CRTAC1: variants seen among roughly 807,000 people sequenced by gnomAD.
CRTAC1 encodes the protein cartilage acidic protein 1, also known as acidic secreted protein in cartilage.
In CRTAC1, 37 loss-of-function variants were observed where a neutral mutation model predicts 67.8. The observed-to-expected ratio is 0.55, with a 90% CI of 0.42 to 0.72. CRTAC1 has a LOEUF of 0.72. CRTAC1 is among the 30% of genes least tolerant of loss of function. CRTAC1 has a pLI of 0.00. For synonymous variants in CRTAC1, 348 were observed against 371.0 expected (o/e 0.94, Z 0.71); for missense variants, 780 against 931.6 (o/e 0.84, Z 2.12).
At chr10:97,924,119 T>C (rs1331307305) in intron 3 of CRTAC1, among the ~76,000 whole-genome samples, 3 of 151,958 alleles carry the variant, frequency 2.0e-5, no homozygotes, top group Non-Finnish European at 4.4e-5. Flanking sequence ...CAACATGCCA[T>C]ACATCATTTC....
rs1164171283 is a variant in CRTAC1, at chr10:97,895,396, C to A, written c.1335G>T (p.Trp445Cys). ...ACCGGGTGCGTGGCACCACTCGCAGCCAGTTGTTGTTGAAGCCCTGCAGAG... is the reference window on the plus strand; with the variant it reads ...ACCGGGTGCGTGGCACCACTCGCAGACAGTTGTTGTTGAAGCCCTGCAGAG... ...FRGNQGFNNN[W>C]LRVVPRTRFG... is the part of the protein sequence containing the mutation. Residue 445 changes from tryptophan to cysteine, a missense_variant, in exon 11 of 15, where the codon TGG becomes TGT. Physicochemically the swap from Trp to Cys is radical, Grantham distance 215. Transcript: ENST00000370597. The surrounding 1 kb of genome is among the most constrained non-coding windows in gnomAD (Gnocchi z 4.2). The A allele has an allele frequency of 8.1e-6, 13 of 1,606,866 alleles. No individual in the cohort carries two copies. Among genetic ancestry groups the A allele is most frequent in the Non-Finnish European group, 1.1e-5 (13 of 1,176,994 alleles).
At chr10:97,966,060 C>T (rs1022020158) in intron 2 of CRTAC1, among the ~76,000 whole-genome samples, 2 of 152,192 alleles carry the variant, frequency 1.3e-5, no homozygotes, top group Non-Finnish European at 2.9e-5. Flanking sequence ...GAGCCAAGGC[C>T]ACTACATAGG....
intron 2 of CRTAC1, among the ~76,000 whole-genome samples, chr10:98,005,505 T>A (rs546637025): frequency 6.6e-6 from 1 of 152,142 alleles, no homozygotes; most frequent in South Asian, 2.1e-4. Flanking sequence ...ATTAAAATGT[T>A]ACACACCACA....
In CRTAC1 at chr10:97,895,392, G is replaced by A. The variant is rs776273208; in HGVS notation, c.1339C>T (p.Arg447Ter). The change falls in exon 11 of 15, where the codon CGA (arginine) becomes TGA (stop). Residue 447 changes from arginine (R) to a stop codon, truncating the protein, a stop_gained. Transcript: ENST00000370597. LOFTEE classifies it high-confidence loss of function. This position sits in a 1 kb window ranked among gnomAD's most constrained non-coding sequence, Gnocchi z 4.2. ...CCAAACCGGGTGCGTGGCACCACTC[G>A]CAGCCAGTTGTTGTTGAAGCCCTGC... ...GNQGFNNNWL[R>*]VVPRTRFGAF... 16 of 1,607,870 alleles carry A rather than the reference G, an allele frequency of 1.0e-5. No individual in the cohort carries two copies. Among genetic ancestry groups the A allele is most frequent in the Middle Eastern group, 1.7e-4 (1 of 6,022 alleles).
At chr10:98,013,729 G>T (rs1189424479) in intron 1 of CRTAC1, among the ~76,000 whole-genome samples, 1 of 152,140 alleles carries the variant, frequency 6.6e-6, no homozygotes. Context: ...CTCCTAAGCT[G>T]CTTCTATAAA....
At chr10:97,879,822 G>A in intron 14 of CRTAC1, 1 of 1,483,474 alleles carries the variant, frequency 6.7e-7, no homozygotes, top group Admixed American at 2.1e-5. Flanking sequence ...GATGCGGCGG[G>A]GAGACAGAAA....
chr10:97,933,315 C>T (rs1046800728), intron 3 of CRTAC1, among the ~76,000 whole-genome samples: 2 of 152,270 alleles, frequency 1.3e-5, no homozygotes, highest in South Asian at 4.1e-4. Context: ...CACCCCCACC[C>T]TGGAGGCCGG....
intron 2 of CRTAC1, among the ~76,000 whole-genome samples, chr10:97,964,970 C>T (rs539695904): frequency 1.3e-5 from 2 of 152,336 alleles, no homozygotes; most frequent in East Asian, 3.9e-4. Context: ...AGCCTTATCA[C>T]CCCATCACAC....
At chr10:97,915,712 T>TG (rs2050749714) in intron 5 of CRTAC1, among the ~76,000 whole-genome samples, 1 of 134,028 alleles carries the variant, frequency 7.5e-6, no homozygotes, top group African/African-American at 2.8e-5. Context: ...AGGGTAGTGT[T>TG]GGGGGGCTTG....
intron 14 of CRTAC1, among the ~76,000 whole-genome samples, chr10:97,877,733 CA>C (rs1275587694): frequency 2.6e-5 from 4 of 152,194 alleles, no homozygotes; most frequent in Non-Finnish European, 5.9e-5. Flanking sequence ...CTCCTCTTTG[CA>C]ACTCACTGGA....
At chr10:97,974,999 G>T (rs1231218638) in intron 2 of CRTAC1, among the ~76,000 whole-genome samples, 2 of 152,010 alleles carry the variant, frequency 1.3e-5, no homozygotes, top group African/African-American at 4.8e-5. Flanking sequence ...GGAGGAGACC[G>T]GAGAACGTGG....
chr10:97,974,599 C>T (rs1383493824), intron 2 of CRTAC1, among the ~76,000 whole-genome samples: 2 of 152,156 alleles, frequency 1.3e-5, no homozygotes, highest in Non-Finnish European at 2.9e-5. Context: ...GTTTTCTCCT[C>T]CGACTCTCCA....
intron 2 of CRTAC1, among the ~76,000 whole-genome samples, chr10:97,956,409 C>T (rs1231417045): frequency 6.6e-6 from 1 of 152,148 alleles, no homozygotes; most frequent in Non-Finnish European, 1.5e-5. Context: ...TGCGTGAGCC[C>T]CTGGTGGCTG....
At chr10:97,910,976 A>T (rs1247267442) in intron 5 of CRTAC1, among the ~76,000 whole-genome samples, 2 of 152,236 alleles carry the variant, frequency 1.3e-5, no homozygotes, top group Non-Finnish European at 2.9e-5. Flanking sequence ...TCCACTCTTC[A>T]TGATGGGAGC....
intron 11 of CRTAC1, among the ~76,000 whole-genome samples, chr10:97,889,750 TGGG>T (rs1564879640): frequency 2.0e-5 from 3 of 152,072 alleles, no homozygotes; most frequent in Admixed American, 6.5e-5. Flanking sequence ...TGCAAAGTCA[TGGG>T]GAGGCAGCGC....
At chr10:97,866,622 A>G (rs2050028330) in intron 14 of CRTAC1, 1 of 152,264 alleles carries the variant, frequency 6.6e-6, no homozygotes, top group Admixed American at 6.5e-5. Context: ...GTGTGAGCGC[A>G]TGTGTGTGCA....
chr10:97,908,199 C>T (rs2050641560), intron 5 of CRTAC1, 52 bp from the exon 6 acceptor site: 1 of 1,605,166 alleles, frequency 6.2e-7, no homozygotes, highest in South Asian at 1.1e-5. Context: ...CCCAGGCCCA[C>T]CTGGAGGACA....
At chr10:97,903,238 G>A (rs1564886440) in intron 7 of CRTAC1, among the ~76,000 whole-genome samples, 1 of 146,356 alleles carries the variant, frequency 6.8e-6, no homozygotes. Flanking sequence ...TTTGTGCACT[G>A]TAGGGTGTTC....
intron 2 of CRTAC1, among the ~76,000 whole-genome samples, chr10:97,967,910 G>A (rs534565979): frequency 4.1e-4 from 62 of 152,270 alleles, no homozygotes; most frequent in African/African-American, 1.4e-3. Context: ...TACATCCAAG[G>A]TACACATGGC....
Sources: allele counts gnomAD v4.1 joint callset (sites outside exome capture counted in the v4.1 genomes callset), GRCh38; gene constraint gnomAD v4.1.1; non-coding constraint Gnocchi (gnomAD v3.1); transcripts MANE v1.5; gene names NCBI Gene and HGNC (gene_info 2026-07-23, HGNC 2026-07-21).